RGS7BP: variants seen among roughly 807,000 people sequenced by gnomAD.
RGS7BP encodes the protein regulator of G protein signaling 7 binding protein.
Under a neutral mutation model 31.3 loss-of-function variants are expected in RGS7BP, and 9 were observed. That is an observed-to-expected ratio of 0.29 (90% CI 0.17 to 0.50). The LOEUF (loss-of-function observed/expected upper bound fraction) is 0.50, where lower values mean the gene tolerates loss of function less well. RGS7BP is among the 20% of genes least tolerant of loss of function. The pLI, the probability that RGS7BP is intolerant of heterozygous loss-of-function variation, is 0.98. For synonymous variants in RGS7BP, 115 were observed against 120.1 expected (o/e 0.96, Z 0.28); for missense variants, 274 against 322.0 (o/e 0.85, Z 1.14).
At chr5:64,556,777 T>A (rs1011125995) in intron 2 of RGS7BP, among the ~76,000 whole-genome samples, 2 of 151,988 alleles carry the variant, frequency 1.3e-5, no homozygotes, top group Admixed American at 1.3e-4. Flanking sequence ...TTATTTGACA[T>A]TATCCCTTTC....
At chr5:64,602,275 T>C (rs1743238411) in intron 5 of RGS7BP, among the ~76,000 whole-genome samples, 2 of 152,232 alleles carry the variant, frequency 1.3e-5, no homozygotes, top group South Asian at 4.1e-4. Context: ...AGACTTTCTA[T>C]GTTTCTAGCT....
chr5:64,578,522 T>C lies in RGS7BP; in HGVS notation c.463+2618T>C, dbSNP rs142931714. Among the ~76,000 whole-genome samples, 70 of 152,240 alleles carry C rather than the reference T, an allele frequency of 4.6e-4. 1 individual carries two copies. Among genetic ancestry groups the C allele is most frequent in the South Asian group, 2.1e-3 (10 of 4,818 alleles). On this transcript the variant is annotated intron_variant, in intron 3 of 5. Transcript: ENST00000334025. ...GCACTCCAGGTGATTCTGAAACACATTGAGGATTAAGAACTGCTCCTCTAC... is the reference window on the plus strand; with the variant it reads ...GCACTCCAGGTGATTCTGAAACACACTGAGGATTAAGAACTGCTCCTCTAC...
chr5:64,518,817 T>C (rs1749037875), intron 2 of RGS7BP, among the ~76,000 whole-genome samples: 1 of 152,084 alleles, frequency 6.6e-6, no homozygotes, highest in East Asian at 1.9e-4. Context: ...CTCTGGGGCT[T>C]TTCCTCAAGG....
At chr5:64,575,738 G>A in intron 2 of RGS7BP, 36 bp from the exon 3 acceptor site, 2 of 1,577,616 alleles carry the variant, frequency 1.3e-6, no homozygotes, top group Non-Finnish European at 1.7e-6. Context: ...GAAATCTTGA[G>A]AATGTTCACA....
chr5:64,534,583 G>A (rs1363543692), intron 2 of RGS7BP, among the ~76,000 whole-genome samples: 1 of 152,154 alleles, frequency 6.6e-6, no homozygotes, highest in Non-Finnish European at 1.5e-5. Context: ...AAGTCGGTCT[G>A]AGTAACTGAT....
At chr5:64,540,159 A>G (rs1561327791) in intron 2 of RGS7BP, among the ~76,000 whole-genome samples, 1 of 152,158 alleles carries the variant, frequency 6.6e-6, no homozygotes, top group Admixed American at 6.6e-5. Context: ...TAGTTAAATA[A>G]TATGCATTTT....
chr5:64,603,370 A>G (rs1026340829), intron 5 of RGS7BP, among the ~76,000 whole-genome samples: 6 of 152,186 alleles, frequency 3.9e-5, no homozygotes, highest in African/African-American at 7.2e-5. Context: ...CATGGGGGGA[A>G]CTTTCTGGAG....
At position 64,585,771 on chromosome 5, in the gene RGS7BP, G is replaced by A. The variant is rs530204427; in HGVS notation, c.464-8939G>A. Among the ~76,000 whole-genome samples the A allele has an allele frequency of 2.2e-4, 34 of 152,282 alleles. 1 individual carries two copies. In the South Asian group the frequency reaches 7.0e-3, roughly 32 times the overall value. The stretch of plus-strand genomic sequence containing the variant: ...TGCCTATTACATTATCCATAAACAA[G>A]CTAAAAATACATAGAAATCCCCAAG... On this transcript the variant is annotated intron_variant, in intron 3 of 5. Coordinates refer to ENST00000334025, the MANE Select transcript of RGS7BP (RefSeq NM_001029875.3).
chr5:64,509,235 T>C (rs1748768316), intron 2 of RGS7BP, among the ~76,000 whole-genome samples: 1 of 151,910 alleles, frequency 6.6e-6, no homozygotes, highest in Admixed American at 6.6e-5. Context: ...GGAGCACTGG[T>C]AAATTTAGAA....
chr5:64,599,931 C>T (rs1466201585), intron 5 of RGS7BP, among the ~76,000 whole-genome samples: 6 of 152,148 alleles, frequency 3.9e-5, no homozygotes, highest in African/African-American at 1.2e-4. Context: ...CACCTACTAC[C>T]AAACTTAGAG....
Position 64,576,292 on chromosome 5 carries a change from A to G in RGS7BP, c.463+388A>G, listed in dbSNP as rs529593005. Among the ~76,000 whole-genome samples, 6 of 152,334 alleles carry G rather than the reference A, an allele frequency of 3.9e-5. No individual in the cohort carries two copies. The South Asian group carries it at 1.2e-3, about 32-fold the overall frequency. On this transcript the variant is annotated intron_variant, in intron 3 of 5. Transcript: ENST00000334025. The stretch of plus-strand genomic sequence containing the variant: ...AAACAAATTACATAGTGTCCCAAAG[A>G]TTTAAAAATAGAGGGAACTCCATAA...
intron 2 of RGS7BP, among the ~76,000 whole-genome samples, chr5:64,509,014 G>T (rs1298414191): frequency 1.3e-5 from 2 of 152,076 alleles, no homozygotes; most frequent in East Asian, 3.9e-4. Flanking sequence ...TTGAAGAGAG[G>T]GATAAACAAA....
At chr5:64,574,809 A>G (rs1235601297) in intron 2 of RGS7BP, among the ~76,000 whole-genome samples, 1 of 152,222 alleles carries the variant, frequency 6.6e-6, no homozygotes, top group Admixed American at 6.5e-5. Context: ...CATTACAAAG[A>G]AACCAAATCC....
chr5:64,512,748 A>G (rs1182235187), intron 2 of RGS7BP, among the ~76,000 whole-genome samples: 3 of 152,194 alleles, frequency 2.0e-5, no homozygotes, highest in Non-Finnish European at 4.4e-5. Context: ...TTGGTTTCTT[A>G]TATTACATTC....
chr5:64,533,784 C>A (rs903926743), intron 2 of RGS7BP, among the ~76,000 whole-genome samples: 4 of 152,226 alleles, frequency 2.6e-5, no homozygotes, highest in African/African-American at 9.6e-5. Flanking sequence ...AACCTTCTCC[C>A]TCCCCACCTC....
chr5:64,509,038 A>G (rs1249033454), intron 2 of RGS7BP, among the ~76,000 whole-genome samples: 1 of 152,216 alleles, frequency 6.6e-6, no homozygotes, highest in African/African-American at 2.4e-5. Context: ...TGTTATAACC[A>G]TATTTTATTT....
intron 2 of RGS7BP, among the ~76,000 whole-genome samples, chr5:64,555,345 A>G (rs1741895292): frequency 2.0e-5 from 3 of 152,190 alleles, no homozygotes; most frequent in Admixed American, 2.0e-4. Flanking sequence ...CATTTTAGAC[A>G]AACATATTTG....
chr5:64,568,082 G>A (rs1257918929), intron 2 of RGS7BP, among the ~76,000 whole-genome samples: 3 of 151,504 alleles, frequency 2.0e-5, no homozygotes, highest in Non-Finnish European at 4.4e-5. Flanking sequence ...GATATAAATA[G>A]TTTTAAAATA....
chr5:64,593,890 T>C (rs1162247192), intron 3 of RGS7BP, among the ~76,000 whole-genome samples: 1 of 152,130 alleles, frequency 6.6e-6, no homozygotes, highest in African/African-American at 2.4e-5. Context: ...GATGCACAGA[T>C]TTTCAAGAAA....
Sources: gnomAD v4.1 joint callset for allele counts (sites outside exome capture counted in the v4.1 genomes callset) on GRCh38, gnomAD v4.1.1 for gene constraint, MANE v1.5 for transcripts, NCBI Gene and HGNC (gene_info 2026-07-23, HGNC 2026-07-21) for gene names.